MYRIP: variants seen among roughly 807,000 people sequenced by gnomAD.
The protein encoded by MYRIP is myosin VIIA and Rab interacting protein.
A neutral mutation model predicts 98.0 loss-of-function variants in MYRIP; 49 were observed. The ratio of observed to expected loss-of-function variants is 0.50; its 90% confidence interval spans 0.40 to 0.63. MYRIP has a LOEUF of 0.63. Among genes scored for constraint, MYRIP ranks in the 30% least tolerant of loss-of-function variants. The probability of loss-of-function intolerance (pLI) is 0.00; values close to 1 mark genes in which losing one functional copy is unlikely to be tolerated. For synonymous variants in MYRIP, 404 were observed against 409.5 expected, an observed-to-expected ratio of 0.99 and a Z score of 0.16; for missense variants, 1,004 against 1,058.2, an observed-to-expected ratio of 0.95 and a Z score of 0.71.
chr3:40,021,740 C>T (rs1392393928), intron 2 of MYRIP, among the ~76,000 whole-genome samples: 2 of 152,126 alleles, frequency 1.3e-5, no homozygotes, highest in African/African-American at 4.8e-5. Context: ...CAGCCAAAGG[C>T]TTGAACTTTG....
chr3:40,052,311 A>G (rs765020646), intron 3 of MYRIP, among the ~76,000 whole-genome samples: 1 of 152,058 alleles, frequency 6.6e-6, no homozygotes, highest in Non-Finnish European at 1.5e-5. Flanking sequence ...TGCCTGGATT[A>G]TTTCACTTAA....
intron 2 of MYRIP, among the ~76,000 whole-genome samples, chr3:39,956,791 G>T (rs1192928584): frequency 9.9e-5 from 15 of 151,518 alleles, no homozygotes; most frequent in South Asian, 6.2e-4. Context: ...GCAAGACTAA[G>T]AAAGAAGAAA....
At chr3:40,239,513 C>A (rs1340372540) in intron 12 of MYRIP, among the ~76,000 whole-genome samples, 1 of 137,604 alleles carries the variant, frequency 7.3e-6, no homozygotes, top group African/African-American at 3.2e-5. Flanking sequence ...AACTAGTTTA[C>A]AGTCCCACCA....
chr3:40,067,128 A>G (rs1468721058), intron 3 of MYRIP, among the ~76,000 whole-genome samples: 1 of 152,216 alleles, frequency 6.6e-6, no homozygotes, highest in Non-Finnish European at 1.5e-5. Flanking sequence ...AGCATTTGCT[A>G]TTGATTGTCA....
intron 5 of MYRIP, among the ~76,000 whole-genome samples, chr3:40,164,423 A>G (rs913365645): frequency 2.6e-5 from 4 of 152,224 alleles, no homozygotes; most frequent in African/African-American, 9.6e-5. Context: ...TTGGTGCTTC[A>G]GCCTTCAGGC....
chr3:40,052,480 G>A (rs1947812290), intron 3 of MYRIP, among the ~76,000 whole-genome samples: 1 of 152,076 alleles, frequency 6.6e-6, no homozygotes, highest in African/African-American at 2.4e-5. Flanking sequence ...ACAAATATAT[G>A]GGGAAATATT....
intron 10 of MYRIP, among the ~76,000 whole-genome samples, chr3:40,198,483 C>T (rs940442550): frequency 5.3e-5 from 8 of 152,184 alleles, no homozygotes; most frequent in African/African-American, 1.2e-4. Flanking sequence ...AAAAAAATTT[C>T]GCCATTCATT....
intron 3 of MYRIP, among the ~76,000 whole-genome samples, chr3:40,111,344 G>A (rs1575545887): frequency 1.3e-5 from 2 of 152,096 alleles, no homozygotes; most frequent in Admixed American, 1.3e-4. Context: ...TTCAACAAAT[G>A]GTGCTTGAAA....
chr3:39,935,035 A>G (rs998856514), intron 2 of MYRIP, among the ~76,000 whole-genome samples: 1 of 152,172 alleles, frequency 6.6e-6, no homozygotes, highest in African/African-American at 2.4e-5. Flanking sequence ...TTGCTTTCTC[A>G]GGAATTAACT....
chr3:40,002,534 TAAA>T (rs1361531505), intron 2 of MYRIP, among the ~76,000 whole-genome samples: 1 of 139,174 alleles, frequency 7.2e-6, no homozygotes, highest in East Asian at 2.1e-4. Flanking sequence ...AGACTCTGTC[TAAA>T]AAAAAAAAAA....
intron 2 of MYRIP, among the ~76,000 whole-genome samples, chr3:39,921,529 C>T (rs1450117401): frequency 3.3e-5 from 5 of 152,108 alleles, no homozygotes; most frequent in African/African-American, 1.2e-4. Flanking sequence ...GCCTGTGTTA[C>T]AAAATTTGCA....
chr3:40,037,559 G>A (rs1035364751), intron 2 of MYRIP, among the ~76,000 whole-genome samples: 1 of 151,880 alleles, frequency 6.6e-6, no homozygotes, highest in African/African-American at 2.4e-5. Flanking sequence ...AATCTTTCAG[G>A]ATACATATCC....
chr3:39,893,674 T>TCACACA (rs66667492), intron 1 of MYRIP, among the ~76,000 whole-genome samples: 1,804 of 147,154 alleles, frequency 0.012, 49 homozygotes, highest in African/African-American at 0.041. Flanking sequence ...TAAGTGGAAA[T>TCACACA]CACACACACA....
intron 2 of MYRIP, among the ~76,000 whole-genome samples, chr3:40,029,440 G>A (rs1947209928): frequency 6.6e-6 from 1 of 152,206 alleles, no homozygotes; most frequent in African/African-American, 2.4e-5. Context: ...CCCTGCTCAT[G>A]TGTTAGAAGA....
intron 8 of MYRIP, among the ~76,000 whole-genome samples, chr3:40,175,227 C>G (rs897091239): frequency 1.3e-5 from 2 of 152,192 alleles, no homozygotes; most frequent in Non-Finnish European, 2.9e-5. Context: ...AGTCTTGATT[C>G]GTTGGATTGT....
intron 3 of MYRIP, among the ~76,000 whole-genome samples, chr3:40,103,557 G>C (rs931502645): frequency 1.3e-5 from 2 of 152,206 alleles, no homozygotes; most frequent in African/African-American, 2.4e-5. Flanking sequence ...TCAGGAGCTC[G>C]AGACCAGCCT....
At chr3:40,131,185 T>G (rs1254394720) in intron 3 of MYRIP, among the ~76,000 whole-genome samples, 1 of 152,258 alleles carries the variant, frequency 6.6e-6, no homozygotes, top group East Asian at 1.9e-4. Flanking sequence ...GTTAGTGATT[T>G]CTATACTAGG....
At chr3:40,163,408 C>A (rs924749654) in intron 5 of MYRIP, among the ~76,000 whole-genome samples, 3 of 152,164 alleles carry the variant, frequency 2.0e-5, no homozygotes, top group Non-Finnish European at 4.4e-5. Context: ...AAGGGATGCC[C>A]AGATAGCTGG....
At chr3:39,875,583 T>A (rs921208268) in intron 1 of MYRIP, among the ~76,000 whole-genome samples, 1 of 151,830 alleles carries the variant, frequency 6.6e-6, no homozygotes, top group Non-Finnish European at 1.5e-5. Context: ...TATTTCTGCC[T>A]TCATTTTGTT....
Sources: gnomAD v4.1 joint callset for allele counts (sites outside exome capture counted in the v4.1 genomes callset) on GRCh38, gnomAD v4.1.1 for gene constraint, MANE v1.5 for transcripts, NCBI Gene and HGNC (gene_info 2026-07-23, HGNC 2026-07-21) for gene names.